The following VPS8 variants were observed in gnomAD, a reference collection of about 807,000 sequenced individuals.
VPS8 encodes vacuolar protein sorting-associated protein 8 homolog.
A neutral mutation model predicts 216.4 loss-of-function variants in VPS8; 129 were observed. The observed-to-expected ratio is 0.60, with a 90% CI of 0.52 to 0.69. The LOEUF is 0.69. VPS8 is among the 30% of genes least tolerant of loss of function. VPS8 has a pLI of 0.00. For missense variants in VPS8, 1,531 were observed against 1,683.5 expected (o/e 0.91, Z 1.59); for synonymous variants, 571 against 565.4 (o/e 1.01, Z -0.14).
rs181469167 is a variant in VPS8, at chr3:184,891,061, G to A, written c.1782-3642G>A. Among the ~76,000 whole-genome samples, 31 of 151,900 alleles carry A rather than the reference G, an allele frequency of 2.0e-4. No homozygotes were observed. In the South Asian group the frequency reaches 2.7e-3, roughly 13 times the overall value. ...GTAAACCATAATTATAATTTTGAAC[G>A]TTGTTTAAAAATAGGGTTATGTGAT... is the stretch of plus-strand genomic sequence containing the variant. On this transcript the variant is annotated intron_variant, in intron 22 of 47. Coordinates refer to ENST00000625842, the MANE Select transcript of VPS8 (RefSeq NM_001009921.3).
At chr3:184,815,130 C>T (rs1405120596) in intron 1 of VPS8, among the ~76,000 whole-genome samples, 1 of 152,146 alleles carries the variant, frequency 6.6e-6, no homozygotes, top group Non-Finnish European at 1.5e-5. Context: ...ATAACAGTGC[C>T]TTCTGGAATA....
At chr3:185,035,963 A>G (rs965475109) in intron 46 of VPS8, among the ~76,000 whole-genome samples, 12 of 152,222 alleles carry the variant, frequency 7.9e-5, no homozygotes, top group African/African-American at 2.7e-4. Flanking sequence ...ATACACCAGC[A>G]GTGTTCAGGC....
chr3:184,958,961 T>C (rs561851692), intron 37 of VPS8, among the ~76,000 whole-genome samples: 82 of 152,332 alleles, frequency 5.4e-4, no homozygotes, highest in African/African-American at 1.8e-3. Flanking sequence ...AGAGTAGTGA[T>C]TGGCCATTTA....
intron 1 of VPS8, among the ~76,000 whole-genome samples, chr3:184,822,173 G>C (rs959652180): frequency 1.3e-5 from 2 of 152,064 alleles, no homozygotes; most frequent in Non-Finnish European, 2.9e-5. Context: ...GTCAGGGGTG[G>C]GGAGAAGTGA....
chr3:185,042,586 C>A (rs375008457), intron 46 of VPS8, among the ~76,000 whole-genome samples: 1 of 152,110 alleles, frequency 6.6e-6, no homozygotes, highest in Non-Finnish European at 1.5e-5. Flanking sequence ...AAAATACCTC[C>A]GTTACATTGT....
intron 16 of VPS8, among the ~76,000 whole-genome samples, chr3:184,866,316 C>T (rs1298546252): frequency 6.6e-6 from 1 of 152,122 alleles, no homozygotes; most frequent in Non-Finnish European, 1.5e-5. Context: ...TTGTTTAATT[C>T]TATTCATATA....
intron 36 of VPS8, among the ~76,000 whole-genome samples, chr3:184,944,959 T>C (rs543572145): frequency 6.6e-6 from 1 of 152,254 alleles, no homozygotes; most frequent in East Asian, 1.9e-4. Flanking sequence ...AGATTATATA[T>C]GTTCATGAAC....
intron 1 of VPS8, among the ~76,000 whole-genome samples, chr3:184,819,199 A>G (rs1413936642): frequency 6.6e-6 from 1 of 152,200 alleles, no homozygotes; most frequent in Non-Finnish European, 1.5e-5. Context: ...ATGTCAGATA[A>G]TCTTATGTCT....
At position 184,839,696 on chromosome 3, in the gene VPS8, A is replaced by G; in HGVS notation, c.481-2A>G. ...AAACGTAATCTTCCCTTTTGTTTTC[A>G]GGCAGTATCCAGTCTGATAGCAGTG... is the stretch of plus-strand genomic sequence containing the variant. On this transcript the variant is annotated splice_acceptor_variant, in intron 6 of 47. Coordinates refer to ENST00000625842, the MANE Select transcript of VPS8 (RefSeq NM_001009921.3). LOFTEE classifies it high-confidence loss of function. 3.1e-6 allele frequency: 5 copies of G among 1,602,832 alleles called. No individual in the cohort carries two copies. Among genetic ancestry groups the G allele is most frequent in the Non-Finnish European group, 4.3e-6 (5 of 1,174,258 alleles).
At chr3:184,913,687 A>G in intron 26 of VPS8, 126 bp downstream of exon 26, 1 of 708,296 alleles carries the variant, frequency 1.4e-6, no homozygotes, top group South Asian at 2.6e-5. Flanking sequence ...TATGTAGAGC[A>G]GTGGTTCTCA....
At chr3:184,986,714 C>T (rs1751145837) in intron 42 of VPS8, among the ~76,000 whole-genome samples, 1 of 152,192 alleles carries the variant, frequency 6.6e-6, no homozygotes, top group Non-Finnish European at 1.5e-5. Context: ...CTGCATCAGT[C>T]AGCAAGCCTC....
intron 8 of VPS8, among the ~76,000 whole-genome samples, chr3:184,844,174 C>A (rs191608030): frequency 8.5e-4 from 129 of 152,286 alleles, no homozygotes; most frequent in Non-Finnish European, 1.4e-3. Context: ...GTAATCCCAG[C>A]ACTTTAGGTG....
Position 184,924,970 on chromosome 3 carries a change from CTT to C in VPS8, c.2567_2568del (p.Phe856Ter). 6.2e-7 allele frequency: 1 copy of C among 1,613,602 alleles called. No individual in the cohort carries two copies. On this transcript the variant is annotated frameshift_variant, in exon 30 of 48. Coordinates refer to ENST00000625842, the MANE Select transcript of VPS8 (RefSeq NM_001009921.3). LOFTEE classifies it high-confidence loss of function. ...CAACACCTTGTTTGTAAACAGAACA[CTT>C]TTTGATCAGGTAAGTGTCTAGCAGT... ...PDNTLFVNRTLFDQVLEFLCS... is the reference protein window; with the variant it reads ...PDNTLFVNRTXFDQVLEFLCS...
chr3:184,929,765 CAA>C, intron 33 of VPS8, 101 bp downstream of exon 33: 2 of 614,686 alleles, frequency 3.3e-6, no homozygotes, highest in Non-Finnish European at 5.3e-6. Context: ...GTGTATGAGC[CAA>C]ATACACATTG....
chr3:184,847,522 G>A (rs1445854803), intron 8 of VPS8, among the ~76,000 whole-genome samples: 1 of 152,186 alleles, frequency 6.6e-6, no homozygotes, highest in African/African-American at 2.4e-5. Context: ...AGTGTAATAG[G>A]GGAGGTAAGA....
At chr3:185,014,592 G>A (rs1755522231) in intron 45 of VPS8, among the ~76,000 whole-genome samples, 1 of 152,200 alleles carries the variant, frequency 6.6e-6, no homozygotes, top group Non-Finnish European at 1.5e-5. Context: ...TGTAGATGCT[G>A]TTCAGCTGCT....
At chr3:185,011,507 T>A (rs1213850626) in intron 45 of VPS8, among the ~76,000 whole-genome samples, 1 of 152,250 alleles carries the variant, frequency 6.6e-6, no homozygotes, top group Non-Finnish European at 1.5e-5. Context: ...CCCCAAGTTC[T>A]CTTTGCAGTT....
intron 21 of VPS8, among the ~76,000 whole-genome samples, chr3:184,873,962 C>T (rs565706649): frequency 1.3e-5 from 2 of 152,220 alleles, no homozygotes; most frequent in African/African-American, 4.8e-5. Flanking sequence ...AAAACGTGAC[C>T]TTCAGTGCAT....
rs2109236335 is a variant in VPS8 at position 184,930,575 on chromosome 3, A to G, written c.2898+7A>G. ...AGCAATGGATCATATTGAGGTACTG[A>G]TGCGCAAAACTTCACACTTCACCAT... is the stretch of plus-strand genomic sequence containing the variant. On this transcript the variant is annotated splice_region_variant and intron_variant, in intron 34 of 47. Coordinates refer to ENST00000625842, the MANE Select transcript of VPS8 (RefSeq NM_001009921.3). The G allele has an allele frequency of 6.2e-7, 1 of 1,605,734 alleles. No homozygotes were observed. Among genetic ancestry groups the G allele is most frequent in the East Asian group, 2.2e-5 (1 of 44,830 alleles).
Sources: gnomAD v4.1 joint callset for allele counts (sites outside exome capture counted in the v4.1 genomes callset) on GRCh38, gnomAD v4.1.1 for gene constraint, MANE v1.5 for transcripts, NCBI Gene and HGNC (gene_info 2026-07-23, HGNC 2026-07-21) for gene names.